The following CFAP46 variants were observed in gnomAD, a reference collection of about 807,000 sequenced individuals.
CFAP46 encodes the protein cilia and flagella associated protein 46.
A neutral mutation model predicts 325.7 loss-of-function variants in CFAP46; 245 were observed. The ratio of observed to expected loss-of-function variants is 0.75; its 90% confidence interval spans 0.68 to 0.84. CFAP46 has a LOEUF of 0.84. Among genes scored for constraint, CFAP46 ranks in the 40% least tolerant of loss-of-function variants. CFAP46 has a pLI of 0.00. For missense variants in CFAP46, 3,346 were observed against 3,543.0 expected (o/e 0.94, Z 1.41); for synonymous variants, 1,523 against 1,495.9 (o/e 1.02, Z -0.42).
Position 132,869,459 on chromosome 10 carries a change from G to T in CFAP46, c.4512-87C>A. On this transcript the variant is annotated intron_variant, in intron 32 of 57. Coordinates refer to ENST00000368586, the MANE Select transcript of CFAP46 (RefSeq NM_001200049.3). This position sits in a 1 kb window ranked among gnomAD's most constrained non-coding sequence, Gnocchi z 6.2. ...GCTACTAGTGTGCTTCACAGAAAAC[G>T]GTCAACTAACACATCGAGGCACACT... 1.1e-6 allele frequency: 1 copy of T among 930,054 alleles called. No homozygotes were observed. Among genetic ancestry groups the T allele is most frequent in the Non-Finnish European group, 1.5e-6 (1 of 655,372 alleles). The allele number at this position is 930,054 out of a possible 1,614,324, so 57.6% of individuals were successfully genotyped here.
rs115937902 is a variant in CFAP46 at position 132,879,531 on chromosome 10, C to T, written c.3900G>A (p.Ala1300=). ...CCAGCAGGATGTGCACGCGGGCCAG[C>T]GCCTCCAGCTGCCGCACGCTACGCA... ...EQLRSVRQLE[A]LARVHILLAL... The change falls in exon 29 of 58, where the codon GCG becomes GCA. Residue 1300 remains alanine (A), a synonymous_variant. Coordinates refer to ENST00000368586, the MANE Select transcript of CFAP46 (RefSeq NM_001200049.3). 922 of 1,547,226 alleles carry T rather than the reference C, an allele frequency of 6.0e-4. 5 individuals are homozygous for T. The African/African-American group carries it at 0.011, about 19-fold the overall frequency.
chr10:132,937,539 T>C lies in CFAP46; in HGVS notation c.660+13A>G, dbSNP rs544773596. 5.0e-6 allele frequency: 8 copies of C among 1,613,156 alleles called. No individual in the cohort carries two copies. The highest frequency in any genetic ancestry group is 5.9e-6 in the Non-Finnish European group (7 of 1,179,930). On this transcript the variant is annotated intron_variant, in intron 6 of 57. Coordinates refer to ENST00000368586, the MANE Select transcript of CFAP46 (RefSeq NM_001200049.3). ...TTACTTCTTACGTCTCTATTTCTAA[T>C]ACGCTGATTTACCATAACAGAGAAT...
In CFAP46 at chr10:132,846,979, C is replaced by G. The variant is rs147416274; in HGVS notation, c.6220G>C (p.Gly2074Arg). The G allele has an allele frequency of 6.2e-7, 1 of 1,610,872 alleles. No individual in the cohort carries two copies. The highest frequency in any genetic ancestry group is 1.1e-5 in the South Asian group (1 of 90,866). ...AASLEMVECV[G>R]TLDPATTCQF... is the part of the protein sequence containing the mutation. Reference sequence around the variant, plus strand: ...CAGGTAGTTGCAGGGTCCAGGGTGCCGACACACTCCACCATCTCCAGGCTG... The same window carrying G: ...CAGGTAGTTGCAGGGTCCAGGGTGCGGACACACTCCACCATCTCCAGGCTG... The change falls in exon 43 of 58, where the codon GGC becomes CGC. Residue 2074 changes from glycine to arginine, a missense_variant. Physicochemically the swap from Gly to Arg is moderately radical, Grantham distance 125. Transcript: ENST00000368586.
At chr10:132,926,930 G>C (rs894106138) in intron 9 of CFAP46, among the ~76,000 whole-genome samples, 1 of 152,224 alleles carries the variant, frequency 6.6e-6, no homozygotes, top group Non-Finnish European at 1.5e-5. Context: ...CAGGGGCCTT[G>C]TCCCGGCCCC....
chr10:132,886,691 C>T lies in CFAP46; in HGVS notation c.3305-732G>A, dbSNP rs953993638. Among the ~76,000 whole-genome samples, 1 of 152,152 alleles carries T rather than the reference C, an allele frequency of 6.6e-6. No individual in the cohort carries two copies. Among genetic ancestry groups the T allele is most frequent in the African/African-American group, 2.4e-5 (1 of 41,418 alleles). ...ACACATCCCCAGTGAGCACAGAACC[C>T]AGCCCACTCTGCCACCTTCCGGCCA... On this transcript the variant is annotated intron_variant, in intron 25 of 57. Coordinates refer to ENST00000368586, the MANE Select transcript of CFAP46 (RefSeq NM_001200049.3). This position sits in a 1 kb window ranked among gnomAD's most constrained non-coding sequence, Gnocchi z 5.8.
intron 24 of CFAP46, 130 bp downstream of exon 24, chr10:132,898,829 C>T (rs781241123): frequency 1.6e-5 from 21 of 1,274,248 alleles, no homozygotes; most frequent in South Asian, 1.4e-4. Context: ...CTCCCCTCCT[C>T]GGCTGGTGCT....
intron 24 of CFAP46, among the ~76,000 whole-genome samples, chr10:132,898,193 G>A (rs1340614888): frequency 6.6e-6 from 1 of 152,222 alleles, no homozygotes; most frequent in Non-Finnish European, 1.5e-5. Context: ...CCTCTTTCCA[G>A]GAGGAGCGGG....
chr10:132,909,806 G>A, intron 20 of CFAP46, 113 bp downstream of exon 20: 1 of 1,018,138 alleles, frequency 9.8e-7, no homozygotes, highest in Non-Finnish European at 1.3e-6. Flanking sequence ...GGCCATCCGT[G>A]ATGGCTCCAT....
intron 25 of CFAP46, among the ~76,000 whole-genome samples, chr10:132,888,049 T>C: frequency 7.7e-6 from 1 of 129,108 alleles, no homozygotes; most frequent in African/African-American, 3.4e-5. Flanking sequence ...CTCTCTCCTC[T>C]CCCCTCCTCT....
In CFAP46 at chr10:132,808,686, G is replaced by A. The variant is rs1299654505; in HGVS notation, c.7883C>T (p.Pro2628Leu). The A allele has an allele frequency of 6.3e-7, 1 of 1,574,880 alleles. No individual in the cohort carries two copies. The highest frequency in any genetic ancestry group is 1.1e-5 in the South Asian group (1 of 87,850). The change falls in exon 58 of 58, where the codon CCC becomes CTC. Residue 2628 changes from proline to leucine, a missense_variant. By Grantham distance (98) the Pro-to-Leu change is moderately conservative. Transcript: ENST00000368586. This position sits in a 1 kb window ranked among gnomAD's most constrained non-coding sequence, Gnocchi z 6.8. ...PTHPHLPAPI[P>L]SSQLALPFLG... ...GAAGGGGAGAGCGAGCTGGGAGCTG[G>A]GGATGGGAGCCGGGAGGTGGGGATG...
At chr10:132,814,072 G>T in intron 54 of CFAP46, 80 bp downstream of exon 54, 1 of 1,103,420 alleles carries the variant, frequency 9.1e-7, no homozygotes, top group Non-Finnish European at 1.4e-6. Context: ...CCAGGGAGCC[G>T]GGGGTAGGGG....
At position 132,876,905 on chromosome 10, in the gene CFAP46, C is replaced by A. The variant is rs933897627; in HGVS notation, c.4269G>T (p.Glu1423Asp). Residue 1423 changes from glutamate to aspartate, a missense_variant, in exon 31 of 58, where the codon GAG becomes GAT. Coordinates refer to ENST00000368586, the MANE Select transcript of CFAP46 (RefSeq NM_001200049.3). The surrounding 1 kb of genome is among the most constrained non-coding windows in gnomAD (Gnocchi z 4.1). ...QLEDLPMSIE[E>D]WASYSCPEEV... The stretch of plus-strand genomic sequence containing the variant: ...CCTCGGGGCAGGAGTAGGAAGCCCA[C>A]TCTTCTATGCTCATGGGTAAGTCTT... 6.4e-7 allele frequency: 1 copy of A among 1,550,592 alleles called. No individual in the cohort carries two copies. The highest frequency in any genetic ancestry group is 8.7e-7 in the Non-Finnish European group (1 of 1,146,990).
intron 8 of CFAP46, among the ~76,000 whole-genome samples, chr10:132,930,250 C>T (rs1243309473): frequency 1.3e-5 from 2 of 150,590 alleles, no homozygotes; most frequent in African/African-American, 4.9e-5. Context: ...CCTTCCTCCT[C>T]CCCACACAGA....
intron 38 of CFAP46, among the ~76,000 whole-genome samples, chr10:132,858,216 A>G (rs1848671056): frequency 6.7e-6 from 1 of 148,824 alleles, no homozygotes. Flanking sequence ...TTGCGTGTGG[A>G]CAAGTCCGGG....
intron 39 of CFAP46, among the ~76,000 whole-genome samples, chr10:132,854,612 C>A (rs1308526866): frequency 6.6e-6 from 1 of 152,168 alleles, no homozygotes; most frequent in East Asian, 1.9e-4. Flanking sequence ...GACGGGATTA[C>A]ACGCATGAGC....
chr10:132,886,104 C>G lies in CFAP46; in HGVS notation c.3305-145G>C. ...GGTGCCCAGGCCAGCGCATGCCCCG[C>G]AGGGCTGAAGTGAGCTGTGGACCTG... is the stretch of plus-strand genomic sequence containing the variant. On this transcript the variant is annotated intron_variant, in intron 25 of 57. Transcript: ENST00000368586. The surrounding 1 kb of genome is among the most constrained non-coding windows in gnomAD (Gnocchi z 5.8). The G allele has an allele frequency of 2.5e-6, 3 of 1,176,516 alleles. No homozygotes were observed. Among genetic ancestry groups the G allele is most frequent in the Middle Eastern group, 2.5e-4 (1 of 4,064 alleles). 72.9% of individuals were successfully genotyped at this position (1,176,516 alleles called of 1,614,324 possible).
At chr10:132,815,812 T>G (rs993159492) in intron 50 of CFAP46, among the ~76,000 whole-genome samples, 1 of 152,128 alleles carries the variant, frequency 6.6e-6, no homozygotes, top group Non-Finnish European at 1.5e-5. Context: ...AGAGAAAAGC[T>G]GAACTGAGTG....
chr10:132,928,235 A>C (rs2135666145), intron 9 of CFAP46, among the ~76,000 whole-genome samples: 1 of 152,354 alleles, frequency 6.6e-6, no homozygotes, highest in East Asian at 1.9e-4. Context: ...AGGGAGCTGA[A>C]GGAAGGGCTG....
intron 27 of CFAP46, among the ~76,000 whole-genome samples, chr10:132,882,173 T>G (rs1187795657): frequency 5.8e-4 from 60 of 104,264 alleles, no homozygotes; most frequent in African/African-American, 2.0e-3. Context: ...GTGGTGTGTG[T>G]GGGATGTGGG....
Sources: gnomAD v4.1 joint callset for allele counts (sites outside exome capture counted in the v4.1 genomes callset) on GRCh38, gnomAD v4.1.1 for gene constraint, Gnocchi (gnomAD v3.1) non-coding constraint, MANE v1.5 for transcripts, NCBI Gene and HGNC (gene_info 2026-07-23, HGNC 2026-07-21) for gene names.